Variants in FAM184A observed in about 807,000 individuals in gnomAD.
FAM184A encodes the protein protein FAM184A.
In FAM184A, 99 loss-of-function variants were observed where a neutral mutation model predicts 143.8. The ratio of observed to expected loss-of-function variants is 0.69; its 90% CI spans 0.58 to 0.81. FAM184A has a LOEUF of 0.81. FAM184A is among the 40% of genes least tolerant of loss of function. The pLI is 0.00. For synonymous variants in FAM184A, 427 were observed against 446.4 expected, an observed-to-expected ratio of 0.96 and a Z score of 0.55; for missense variants, 1,217 against 1,310.5, an observed-to-expected ratio of 0.93 and a Z score of 1.10.
intron 4 of FAM184A, 134 bp downstream of exon 4, chr6:119,019,844 G>C: frequency 1.3e-6 from 1 of 752,742 alleles, no homozygotes; most frequent in Middle Eastern, 2.5e-4. Context: ...CTCAAAATTA[G>C]AACCAAAAAT....
intron 9 of FAM184A, among the ~76,000 whole-genome samples, chr6:118,989,894 T>A (rs1784320509): frequency 6.6e-6 from 1 of 152,116 alleles, no homozygotes; most frequent in Middle Eastern, 3.4e-3. Context: ...AGTGGCGCGA[T>A]CTCAGCTCAC....
intron 1 of FAM184A, among the ~76,000 whole-genome samples, chr6:119,115,883 C>A (rs1023536589): frequency 6.6e-6 from 1 of 151,808 alleles, no homozygotes; most frequent in African/African-American, 2.4e-5. Context: ...GCAGGAGAAT[C>A]ACTTGAACCC....
Position 119,003,506 on chromosome 6 carries a change from AT to A in FAM184A, c.1931del (p.Asn644IlefsTer13). ...AHDLEIKWTE[N>X]LRQECSKLRE... Reference sequence around the variant, plus strand: ...TTACAGAATAAAAAATGTACCTAAGATTTTCAGTCCACTTAATTTCTAAGTC... The same window carrying A: ...TTACAGAATAAAAAATGTACCTAAGATTTCAGTCCACTTAATTTCTAAGTC... On this transcript the variant is annotated frameshift_variant, in exon 8 of 18. Transcript: ENST00000338891. LOFTEE classifies it high-confidence loss of function. The A allele has an allele frequency of 6.2e-7, 1 of 1,610,346 alleles. No homozygotes were observed. The highest frequency in any genetic ancestry group is 8.5e-7 in the Non-Finnish European group (1 of 1,178,660).
intron 1 of FAM184A, among the ~76,000 whole-genome samples, chr6:119,087,069 A>T (rs919608609): frequency 2.4e-4 from 37 of 152,322 alleles, no homozygotes; most frequent in African/African-American, 7.7e-4. Context: ...CAAAAATAAC[A>T]TTCTTTGTAT....
intron 1 of FAM184A, among the ~76,000 whole-genome samples, chr6:119,132,595 AC>A (rs1196491817): frequency 1.3e-5 from 2 of 152,206 alleles, no homozygotes; most frequent in East Asian, 3.8e-4. Context: ...TTTTTAAAAA[AC>A]GTACTCATCT....
At chr6:119,057,144 C>G (rs1475014271) in intron 1 of FAM184A, among the ~76,000 whole-genome samples, 1 of 152,072 alleles carries the variant, frequency 6.6e-6, no homozygotes, top group Non-Finnish European at 1.5e-5. Context: ...TGCTGCTGCC[C>G]AAATACACAC....
intron 1 of FAM184A, among the ~76,000 whole-genome samples, chr6:119,071,923 T>C (rs1323790558): frequency 2.1e-5 from 3 of 141,554 alleles, no homozygotes; most frequent in Non-Finnish European, 4.5e-5. Flanking sequence ...TGGAGTGCAG[T>C]GGCATGATCT....
chr6:119,071,189 T>C (rs1413908), intron 1 of FAM184A, among the ~76,000 whole-genome samples: 32,284 of 152,128 alleles, frequency 0.21, 3,734 homozygotes, highest in Non-Finnish European at 0.26. Context: ...TTTTTAAGAC[T>C]GGTGATTAGA....
At chr6:119,067,267 G>T (rs959840013) in intron 1 of FAM184A, among the ~76,000 whole-genome samples, 1 of 152,190 alleles carries the variant, frequency 6.6e-6, no homozygotes, top group Admixed American at 6.5e-5. Flanking sequence ...TCATCTGAGG[G>T]TGTTTACTGA....
chr6:119,112,453 C>T (rs1205975246), intron 1 of FAM184A, among the ~76,000 whole-genome samples: 3 of 152,184 alleles, frequency 2.0e-5, no homozygotes, highest in African/African-American at 4.8e-5. Context: ...TCAAATTGAA[C>T]GTGCCATGAC....
chr6:119,024,401 T>C lies in FAM184A; in HGVS notation c.572A>G (p.Gln191Arg). Residue 191 changes from glutamine to arginine, a missense_variant, in exon 2 of 18, where the codon CAA (glutamine) becomes CGA (arginine). Coordinates refer to ENST00000338891, the MANE Select transcript of FAM184A (RefSeq NM_024581.6). Reference sequence around the variant, plus strand: ...TTGTATCTCCCGTCTGTGAGCAGCTTGCAAGTCTTCCAATGCCAATCGTTT... The same window carrying C: ...TTGTATCTCCCGTCTGTGAGCAGCTCGCAAGTCTTCCAATGCCAATCGTTT... Reference protein sequence around the residue: ...KDKRLALEDLQAAHRREIQEL... With the variant: ...KDKRLALEDLRAAHRREIQEL... The C allele has an allele frequency of 6.2e-7, 1 of 1,614,216 alleles. No individual in the cohort carries two copies. The highest frequency in any genetic ancestry group is 8.5e-7 in the Non-Finnish European group (1 of 1,180,038).
chr6:118,968,858 CA>C (rs1482686367), intron 14 of FAM184A, among the ~76,000 whole-genome samples: 47 of 152,082 alleles, frequency 3.1e-4, no homozygotes, highest in African/African-American at 1.1e-3. Context: ...TCCCTGAATC[CA>C]AATTGCAGTG....
chr6:119,029,283 A>G (rs1785781686), intron 1 of FAM184A, among the ~76,000 whole-genome samples: 2 of 152,374 alleles, frequency 1.3e-5, no homozygotes, highest in Middle Eastern at 3.4e-3. Flanking sequence ...GGTGGAATTC[A>G]TATTTTGGGG....
chr6:119,098,443 C>T (rs1026600479), intron 1 of FAM184A, among the ~76,000 whole-genome samples: 3 of 152,200 alleles, frequency 2.0e-5, no homozygotes, highest in African/African-American at 7.2e-5. Flanking sequence ...CTCCCTGTGT[C>T]TTACAAGCAA....
intron 9 of FAM184A, among the ~76,000 whole-genome samples, chr6:118,983,877 G>T (rs926277045): frequency 6.6e-6 from 1 of 151,636 alleles, no homozygotes; most frequent in South Asian, 2.1e-4. Context: ...GGCCGGGCAC[G>T]GTTGCTCATG....
At chr6:119,072,008 C>T (rs10081010) in intron 1 of FAM184A, among the ~76,000 whole-genome samples, 32,160 of 151,584 alleles carry the variant, frequency 0.21, 3,711 homozygotes, top group Non-Finnish European at 0.26. Flanking sequence ...ATTACAAGCA[C>T]CCACCACCAC....
At chr6:119,109,061 T>C (rs9320678) in intron 1 of FAM184A, among the ~76,000 whole-genome samples, 133,534 of 150,174 alleles carry the variant, frequency 0.89, 59,575 homozygotes, top group East Asian at 1. Flanking sequence ...CAATATTCTC[T>C]CTTTGTAAAT....
intron 1 of FAM184A, among the ~76,000 whole-genome samples, chr6:119,095,520 T>C (rs1788482293): frequency 6.6e-6 from 1 of 152,194 alleles, no homozygotes; most frequent in African/African-American, 2.4e-5. Flanking sequence ...GAGAGGATAT[T>C]ATAATATCTA....
intron 1 of FAM184A, among the ~76,000 whole-genome samples, chr6:119,113,689 T>A (rs1371663490): frequency 6.6e-6 from 1 of 152,082 alleles, no homozygotes; most frequent in Non-Finnish European, 1.5e-5. Flanking sequence ...GCCTGTAATC[T>A]CAGCACTTTG....
Sources: allele counts gnomAD v4.1 joint callset (sites outside exome capture counted in the v4.1 genomes callset), GRCh38; gene constraint gnomAD v4.1.1; transcripts MANE v1.5; gene names NCBI Gene and HGNC (gene_info 2026-07-23, HGNC 2026-07-21).